Variants in STYXL2 observed in about 807,000 individuals in gnomAD.
STYXL2 encodes serine/threonine/tyrosine interacting like 2, also known as serine/threonine/tyrosine-interacting-like protein 2.
STYXL2 carries 44 observed loss-of-function variants against 52.4 expected under a neutral mutation model. The observed-to-expected ratio is 0.84, with a 90% CI of 0.66 to 1.08. STYXL2 has a LOEUF of 1.08. STYXL2 is among the 50% of genes least tolerant of loss of function. STYXL2 has a pLI of 0.00. For synonymous variants in STYXL2, 604 were observed against 586.9 expected, an observed-to-expected ratio of 1.03 and a Z score of -0.42; for missense variants, 1,604 against 1,471.7, an observed-to-expected ratio of 1.09 and a Z score of -1.47.
intron 1 of STYXL2, 73 bp from the exon 2 acceptor site, chr1:167,094,761 C>T (rs1667244571): frequency 2.9e-6 from 3 of 1,048,098 alleles, no homozygotes; most frequent in Non-Finnish European, 4.3e-6. Flanking sequence ...GTGACATCAC[C>T]AACACAACTT....
At position 167,126,182 on chromosome 1, in the gene STYXL2, T is replaced by A; in HGVS notation, c.1051T>A (p.Tyr351Asn). ...AGACGAGGAGGAGGAGGAGAAACTG[T>A]ACGAGCAGTGGAAGAAGGGGCAGGG... ...LIDEEEEEKL[Y>N]EQWKKGQGLL... Residue 351 changes from tyrosine to asparagine, a missense_variant, in exon 6 of 6, where the codon TAC becomes AAC. By Grantham distance (143) the Tyr-to-Asn change is moderately radical. Coordinates refer to ENST00000361200, the MANE Select transcript of STYXL2 (RefSeq NM_001080426.3). The A allele has an allele frequency of 6.6e-7, 1 of 1,521,712 alleles. No homozygotes were observed. The highest frequency in any genetic ancestry group is 8.8e-7 in the Non-Finnish European group (1 of 1,138,556). The allele number at this position is 1,521,712 out of a possible 1,614,324, so 94.3% of individuals were successfully genotyped here.
rs1247658356 is a variant in STYXL2 at position 167,123,570 on chromosome 1, G to A, written c.656-2217G>A. ...AGCTAAGCCCTGACTGAGGACGAGAGGAGAAAAAAGACAAGTGCTTCTATA... is the reference window on the plus strand; with the variant it reads ...AGCTAAGCCCTGACTGAGGACGAGAAGAGAAAAAAGACAAGTGCTTCTATA... On this transcript the variant is annotated intron_variant, in intron 5 of 5. Transcript: ENST00000361200. Among the ~76,000 whole-genome samples the A allele has an allele frequency of 6.7e-4, 102 of 152,142 alleles. 1 individual carries two copies. The highest frequency in any genetic ancestry group is 2.9e-5 in the Non-Finnish European group (2 of 68,022).
intron 2 of STYXL2, among the ~76,000 whole-genome samples, chr1:167,097,965 C>G (rs1321230428): frequency 7.0e-6 from 1 of 141,918 alleles, no homozygotes; most frequent in Non-Finnish European, 1.5e-5. Context: ...GAGTTTCAGA[C>G]AAGACTAGGC....
chr1:167,126,809 G>A lies in STYXL2; in HGVS notation c.1678G>A (p.Asp560Asn). The A allele has an allele frequency of 6.2e-7, 1 of 1,614,236 alleles. No homozygotes were observed. The highest frequency in any genetic ancestry group is 8.5e-7 in the Non-Finnish European group (1 of 1,180,044). ...KRIQFGFHKKDLGAGDSSGEP... is the reference protein window; with the variant it reads ...KRIQFGFHKKNLGAGDSSGEP... ...AATCCAATTTGGATTTCACAAGAAAGACTTGGGAGCGGGAGACAGCAGCGG... is the reference window on the plus strand; with the variant it reads ...AATCCAATTTGGATTTCACAAGAAAAACTTGGGAGCGGGAGACAGCAGCGG... Residue 560 changes from aspartate (D) to asparagine (N), a missense_variant, in exon 6 of 6, where the codon GAC becomes AAC. Asp to Asn is a conservative substitution (Grantham distance 23). Coordinates refer to ENST00000361200, the MANE Select transcript of STYXL2 (RefSeq NM_001080426.3).
intron 4 of STYXL2, among the ~76,000 whole-genome samples, chr1:167,118,743 A>G (rs909040197): frequency 1.3e-5 from 2 of 152,218 alleles, no homozygotes; most frequent in Non-Finnish European, 2.9e-5. Context: ...GGAAGTTATA[A>G]GAGCTCTCAG....
rs753714291 is a variant in STYXL2, at chr1:167,128,231, G to A, written c.3100G>A (p.Glu1034Lys). The change falls in exon 6 of 6, where the codon GAG becomes AAG. Residue 1034 changes from glutamate (E) to lysine (K), a missense_variant. By Grantham distance (56) the Glu-to-Lys change is moderately conservative (BLOSUM62 1). Transcript: ENST00000361200. The stretch of plus-strand genomic sequence containing the variant: ...GTACAACGAGACCTCAAGTTCCCGA[G>A]AGGAGAGCCCAGAGCCCTACTTCTT... The part of the protein sequence containing the change: ...STYNETSSSR[E>K]ESPEPYFFRR... 4 of 1,614,084 alleles carry A rather than the reference G, an allele frequency of 2.5e-6. No homozygotes were observed. The highest frequency in any genetic ancestry group is 3.4e-6 in the Non-Finnish European group (4 of 1,180,046).
At position 167,126,160 on chromosome 1, in the gene STYXL2, C is replaced by T. The variant is rs373216642; in HGVS notation, c.1029C>T (p.Asp343=). The T allele has an allele frequency of 2.1e-4, 313 of 1,511,338 alleles. 5 individuals are homozygous for T. In the South Asian group the frequency reaches 3.8e-3, roughly 18 times the overall value. The allele number at this position is 1,511,338 out of a possible 1,614,324, so 93.6% of individuals were successfully genotyped here. A position where few individuals can be genotyped will look rare whatever the true frequency, so the allele number is the denominator to read the frequency against. The change falls in exon 6 of 6, where the codon GAC becomes GAT. Residue 343 remains aspartate (D), a synonymous_variant. Transcript: ENST00000361200. The part of the protein sequence containing the change: ...TQASKPLTLI[D]EEEEEKLYEQ... ...CCTCCAAGCCCCTCACCCTCATAGA[C>T]GAGGAGGAGGAGGAGAAACTGTACG...
rs545663733 is a variant in STYXL2, at chr1:167,126,422, C to A, written c.1291C>A (p.Arg431=). Residue 431 remains arginine (R), a synonymous_variant, in exon 6 of 6, where the codon CGG becomes AGG. Coordinates refer to ENST00000361200, the MANE Select transcript of STYXL2 (RefSeq NM_001080426.3). ...SDAGSSVGRR[R]RTLSESSAWE... ...CGCTGGCTCCTCGGTGGGGAGGCGG[C>A]GGCGCACCCTGAGCGAGAGCAGCGC... 72 of 1,561,234 alleles carry A rather than the reference C, an allele frequency of 4.6e-5. No individual in the cohort carries two copies. In the East Asian group the frequency reaches 1.6e-3, roughly 34 times the overall value.
rs190440638 is a variant in STYXL2, at chr1:167,124,990, T to C, written c.656-797T>C. ...ACCCTGATAAATTCAAGTTTTGACC[T>C]AGAGGAAAGTAGCTAGAATAGTAAG... On this transcript the variant is annotated intron_variant, in intron 5 of 5. Coordinates refer to ENST00000361200, the MANE Select transcript of STYXL2 (RefSeq NM_001080426.3). Among the ~76,000 whole-genome samples the C allele has an allele frequency of 2.1e-3, 310 of 148,868 alleles. 2 individuals carry two copies. The highest frequency in any genetic ancestry group is 7.3e-3 in the African/African-American group (296 of 40,550).
In STYXL2 at chr1:167,126,085, C is replaced by T. The variant is rs1482503328; in HGVS notation, c.954C>T (p.Asp318=). 1.0e-5 allele frequency: 16 copies of T among 1,531,214 alleles called. No homozygotes were observed. The highest frequency in any genetic ancestry group is 2.8e-5 in the African/African-American group (2 of 72,402). 94.9% of individuals were successfully genotyped at this position (1,531,214 alleles called of 1,614,324 possible). Residue 318 remains aspartate, a synonymous_variant, in exon 6 of 6, where the codon GAC becomes GAT. Transcript: ENST00000361200. ...RVHALTVEEE[D]DSASHLSGSS... The stretch of plus-strand genomic sequence containing the variant: ...ACGCCCTGACGGTGGAAGAGGAGGA[C>T]GACAGCGCCAGCCACCTGAGTGGCT...
intron 2 of STYXL2, among the ~76,000 whole-genome samples, chr1:167,096,609 A>G (rs1667289733): frequency 6.6e-6 from 1 of 152,202 alleles, no homozygotes; most frequent in Non-Finnish European, 1.5e-5. Context: ...ATAATTTCCC[A>G]GGAGGTTTTA....
chr1:167,110,216 C>A (rs1667588554), intron 2 of STYXL2, among the ~76,000 whole-genome samples: 1 of 152,202 alleles, frequency 6.6e-6, no homozygotes, highest in Non-Finnish European at 1.5e-5. Flanking sequence ...ACAAAAGAAT[C>A]TGAACAGTAG....
rs932248550 is a variant in STYXL2 at position 167,119,303 on chromosome 1, G to T, written c.492G>T (p.Leu164=). ...AGAGGCTGGGAATCACCCACATTCT[G>T]AATGCTGCGCATGGCACCGGCGTTT... The part of the protein sequence containing the change: ...RLKRLGITHI[L]NAAHGTGVYT... Residue 164 remains leucine (L), a synonymous_variant, in exon 5 of 6, where the codon CTG becomes CTT. Transcript: ENST00000361200. The T allele has an allele frequency of 6.2e-7, 1 of 1,614,248 alleles. No homozygotes were observed. The highest frequency in any genetic ancestry group is 1.3e-5 in the African/African-American group (1 of 75,068).
chr1:167,106,241 C>T (rs10800284), intron 2 of STYXL2, among the ~76,000 whole-genome samples: 14,171 of 152,146 alleles, frequency 0.093, 724 homozygotes, highest in East Asian at 0.16. Context: ...CCTGGCAGTC[C>T]CACCTGCTGA....
rs759325412 is a variant in STYXL2 at position 167,128,492 on chromosome 1, C to T, written c.3361C>T (p.Arg1121Trp). 9 of 1,613,750 alleles carry T rather than the reference C, an allele frequency of 5.6e-6. No homozygotes were observed. Among genetic ancestry groups the T allele is most frequent in the Non-Finnish European group, 4.2e-6 (5 of 1,179,934 alleles). ...TGCATCTGGACGGCGGTCCCAGTAT[C>T]GGAGAAGCACTGACAGGGAGGAAGA... ...RFASGRRSQY[R>W]RSTDREEEEE... is the part of the protein sequence containing the mutation. Residue 1121 changes from arginine (R) to tryptophan (W), a missense_variant, in exon 6 of 6, where the codon CGG becomes TGG. Transcript: ENST00000361200.
chr1:167,104,420 C>G (rs937373165), intron 2 of STYXL2, among the ~76,000 whole-genome samples: 7 of 152,124 alleles, frequency 4.6e-5, no homozygotes, highest in African/African-American at 1.7e-4. Flanking sequence ...GACACTGTTT[C>G]CCTTGACCTT....
At position 167,127,995 on chromosome 1, in the gene STYXL2, C is replaced by T. The variant is rs952594212; in HGVS notation, c.2864C>T (p.Ser955Phe). 2.5e-6 allele frequency: 4 copies of T among 1,614,032 alleles called. No homozygotes were observed. The highest frequency in any genetic ancestry group is 3.4e-6 in the Non-Finnish European group (4 of 1,180,048). Residue 955 changes from serine (S) to phenylalanine (F), a missense_variant, in exon 6 of 6, where the codon TCT (serine) becomes TTT (phenylalanine). Physicochemically the swap from Ser to Phe is radical, Grantham distance 155. Transcript: ENST00000361200. ...EEKPPFQSDW[S>F]GSSRGKYTRS... ...AAACCTCCTTTCCAAAGTGACTGGT[C>T]TGGAAGTTCCAGAGGGAAGTACACC...
chr1:167,111,489 TATATATATATATATATATATATATACAC>T (rs200862974), intron 2 of STYXL2, among the ~76,000 whole-genome samples: 5,193 of 69,504 alleles, frequency 0.075, 408 homozygotes, highest in African/African-American at 0.28. Context: ...TATATATATA[TATATATATATATATATATATATATACAC>T]ACACACACAC....
At position 167,128,498 on chromosome 1, in the gene STYXL2, A is replaced by C; in HGVS notation, c.3367A>C (p.Ser1123Arg). 6.2e-7 allele frequency: 1 copy of C among 1,613,970 alleles called. No homozygotes were observed. Among genetic ancestry groups the C allele is most frequent in the Middle Eastern group, 1.6e-4 (1 of 6,062 alleles). Reference sequence around the variant, plus strand: ...TGGACGGCGGTCCCAGTATCGGAGAAGCACTGACAGGGAGGAAGAGGAAGA... The same window carrying C: ...TGGACGGCGGTCCCAGTATCGGAGACGCACTGACAGGGAGGAAGAGGAAGA... ...ASGRRSQYRR[S>R]TDREEEEEMD... Residue 1123 changes from serine to arginine, a missense_variant, in exon 6 of 6, where the codon AGC (serine) becomes CGC (arginine). Ser to Arg is a moderately radical substitution (Grantham distance 110). Transcript: ENST00000361200.
Sources: gnomAD v4.1 joint callset for allele counts (sites outside exome capture counted in the v4.1 genomes callset) on GRCh38, gnomAD v4.1.1 for gene constraint, MANE v1.5 for transcripts, NCBI Gene and HGNC (gene_info 2026-07-23, HGNC 2026-07-21) for gene names.